The following GRIK2 variants were observed in gnomAD, a reference collection of about 807,000 sequenced individuals.
GRIK2 encodes glutamate receptor ionotropic, kainate 2.
In GRIK2, 32 loss-of-function variants were observed where a neutral mutation model predicts 100.3. The observed-to-expected ratio is 0.32, with a 90% confidence interval of 0.24 to 0.43. The LOEUF (loss-of-function observed/expected upper bound fraction) is 0.43. Ranked by LOEUF, GRIK2 falls within the 20% of genes least tolerant of loss-of-function variation. The pLI is 1.00. For missense variants in GRIK2, 843 were observed against 1,114.9 expected (o/e 0.76, Z 3.47); for synonymous variants, 417 against 389.4 (o/e 1.07, Z -0.83).
intron 14 of GRIK2, among the ~76,000 whole-genome samples, chr6:101,958,253 T>TTCTCTGTG (rs150156844): frequency 1.4e-5 from 2 of 139,448 alleles, no homozygotes; most frequent in African/African-American, 5.3e-5. Flanking sequence ...TGCTACATAT[T>TTCTCTGTG]TGTGTGTGTG....
intron 14 of GRIK2, among the ~76,000 whole-genome samples, chr6:102,008,476 T>G (rs1455124544): frequency 1.3e-5 from 2 of 152,084 alleles, no homozygotes; most frequent in East Asian, 3.9e-4. Flanking sequence ...AAGTAAAAAA[T>G]ATTTTATATG....
At chr6:101,740,349 A>G (rs141411898) in intron 7 of GRIK2, among the ~76,000 whole-genome samples, 1 of 152,204 alleles carries the variant, frequency 6.6e-6, no homozygotes, top group Non-Finnish European at 1.5e-5. Context: ...ACATATAGGA[A>G]GGTTGTTAAC....
At chr6:101,925,781 G>T (rs2791799) in intron 13 of GRIK2, among the ~76,000 whole-genome samples, 1 of 151,742 alleles carries the variant, frequency 6.6e-6, no homozygotes, top group African/African-American at 2.4e-5. Context: ...CTGAAGAAGT[G>T]GAAATTTATG....
chr6:101,462,186 A>G (rs1582503603), intron 2 of GRIK2, among the ~76,000 whole-genome samples: 1 of 152,344 alleles, frequency 6.6e-6, no homozygotes, highest in East Asian at 1.9e-4. Context: ...AGAGTTATAT[A>G]TGATTATGGT....
At chr6:101,649,433 C>T (rs1416327681) in intron 4 of GRIK2, among the ~76,000 whole-genome samples, 1 of 152,076 alleles carries the variant, frequency 6.6e-6, no homozygotes, top group Non-Finnish European at 1.5e-5. Flanking sequence ...TGCTTTTCCT[C>T]TGGATCACGT....
chr6:101,935,790 T>A (rs1334080430), intron 14 of GRIK2, among the ~76,000 whole-genome samples: 1 of 152,044 alleles, frequency 6.6e-6, no homozygotes, highest in Non-Finnish European at 1.5e-5. Flanking sequence ...AGTAAATTAG[T>A]ACACAATTCT....
intron 2 of GRIK2, among the ~76,000 whole-genome samples, chr6:101,516,381 A>C (rs2128279913): frequency 6.6e-6 from 1 of 152,256 alleles, no homozygotes; most frequent in African/African-American, 2.4e-5. Flanking sequence ...TACTGGTATA[A>C]AAATGGGCAC....
At chr6:102,012,340 T>C (rs1795592425) in intron 14 of GRIK2, among the ~76,000 whole-genome samples, 1 of 152,116 alleles carries the variant, frequency 6.6e-6, no homozygotes, top group Non-Finnish European at 1.5e-5. Flanking sequence ...GCCTTTTGCC[T>C]CTCCATATAA....
chr6:101,402,170 C>G (rs1304941975), intron 2 of GRIK2, among the ~76,000 whole-genome samples: 2 of 152,116 alleles, frequency 1.3e-5, no homozygotes, highest in Non-Finnish European at 2.9e-5. Flanking sequence ...CTCCCCCGCC[C>G]GTCTTCAGCG....
intron 12 of GRIK2, among the ~76,000 whole-genome samples, chr6:101,916,864 T>C (rs1432973446): frequency 6.6e-6 from 1 of 151,706 alleles, no homozygotes; most frequent in African/African-American, 2.4e-5. Context: ...TTGCCATCTC[T>C]GTAATGCCTC....
chr6:101,814,027 G>A (rs560784783), intron 9 of GRIK2, among the ~76,000 whole-genome samples: 4 of 151,834 alleles, frequency 2.6e-5, no homozygotes, highest in Non-Finnish European at 2.9e-5. Context: ...ATGGGACAAA[G>A]CATAGATAAT....
At chr6:101,426,120 T>C (rs1776686471) in intron 2 of GRIK2, among the ~76,000 whole-genome samples, 1 of 152,200 alleles carries the variant, frequency 6.6e-6, no homozygotes, top group African/African-American at 2.4e-5. Flanking sequence ...ATTCCAGTCT[T>C]TATTAATAAT....
chr6:101,739,607 A>G (rs1190389415), intron 7 of GRIK2, among the ~76,000 whole-genome samples: 1 of 152,200 alleles, frequency 6.6e-6, no homozygotes, highest in African/African-American at 2.4e-5. Flanking sequence ...GATATAGCAA[A>G]TGTAAGATAA....
chr6:101,731,678 T>A (rs1024683383), intron 7 of GRIK2, among the ~76,000 whole-genome samples: 4 of 152,050 alleles, frequency 2.6e-5, no homozygotes, highest in African/African-American at 4.8e-5. Flanking sequence ...AGGAAAATGT[T>A]GTAATCTATT....
intron 2 of GRIK2, among the ~76,000 whole-genome samples, chr6:101,535,144 A>G (rs977510565): frequency 6.6e-6 from 1 of 151,368 alleles, no homozygotes; most frequent in African/African-American, 2.4e-5. Context: ...CAGTCTTGTG[A>G]AAAAAAACAG....
Position 102,008,607 on chromosome 6 carries a change from A to G in GRIK2, c.2086-26734A>G, listed in dbSNP as rs953367015. Reference sequence around the variant, plus strand: ...CTAGAAGGAATTTTGCCTCTAAAACATGAGATGCTAACACTAAGTGAACAA... The same window carrying G: ...CTAGAAGGAATTTTGCCTCTAAAACGTGAGATGCTAACACTAAGTGAACAA... On this transcript the variant is annotated intron_variant, in intron 14 of 16. Transcript: ENST00000369134. Among the ~76,000 whole-genome samples the G allele has an allele frequency of 2.1e-4, 32 of 152,246 alleles. 2 individuals carry two copies. Among genetic ancestry groups the G allele is most frequent in the Admixed American group, 1.8e-3 (28 of 15,294 alleles).
intron 2 of GRIK2, among the ~76,000 whole-genome samples, chr6:101,419,772 T>C (rs1465703720): frequency 1.3e-5 from 2 of 152,156 alleles, no homozygotes; most frequent in Non-Finnish European, 2.9e-5. Flanking sequence ...CTTATGTTCC[T>C]TTCACTTCAA....
At chr6:101,987,371 T>C (rs1477710501) in intron 14 of GRIK2, among the ~76,000 whole-genome samples, 1 of 151,844 alleles carries the variant, frequency 6.6e-6, no homozygotes, top group Non-Finnish European at 1.5e-5. Context: ...GTAGTAATCC[T>C]TTATTAATCA....
chr6:101,494,011 A>G (rs962834413), intron 2 of GRIK2, among the ~76,000 whole-genome samples: 8 of 118,568 alleles, frequency 6.7e-5, no homozygotes, highest in Non-Finnish European at 1.2e-4. Context: ...TGTATATATT[A>G]TATATAAAAA....
Sources: allele counts gnomAD v4.1 joint callset (sites outside exome capture counted in the v4.1 genomes callset), GRCh38; gene constraint gnomAD v4.1.1; transcripts MANE v1.5; gene names NCBI Gene and HGNC (gene_info 2026-07-23, HGNC 2026-07-21).